The following ADAMTS3 variants were observed in gnomAD, a reference collection of about 807,000 sequenced individuals.
The protein encoded by ADAMTS3 is ADAM metallopeptidase with thrombospondin type 1 motif 3.
A neutral mutation model predicts 129.0 loss-of-function variants in ADAMTS3; 73 were observed. The observed-to-expected ratio is 0.57, with a 90% CI of 0.47 to 0.69. ADAMTS3 has a LOEUF of 0.69. Among genes scored for constraint, ADAMTS3 ranks in the 30% least tolerant of loss-of-function variants. The probability of loss-of-function intolerance (pLI) is 0.00; values close to 1 mark genes in which losing one functional copy is unlikely to be tolerated. For missense variants in ADAMTS3, 1,457 were observed against 1,514.5 expected (o/e 0.96, Z 0.63); for synonymous variants, 477 against 510.8 (o/e 0.93, Z 0.89).
chr4:72,300,907 C>A (rs1156506259), intron 17 of ADAMTS3, among the ~76,000 whole-genome samples: 1 of 152,058 alleles, frequency 6.6e-6, no homozygotes, highest in Non-Finnish European at 1.5e-5. Context: ...GCAGAGTAAC[C>A]CCCAGTCAAG....
intron 3 of ADAMTS3, among the ~76,000 whole-genome samples, chr4:72,441,121 GT>G (rs992853042): frequency 4.0e-5 from 6 of 151,654 alleles, no homozygotes; most frequent in African/African-American, 1.5e-4. Context: ...ATCATAGATT[GT>G]TTTTTCTGTT....
chr4:72,558,231 A>G lies in ADAMTS3; in HGVS notation c.97+9143T>C, dbSNP rs924318897. Among the ~76,000 whole-genome samples the G allele has an allele frequency of 2.3e-4, 35 of 151,886 alleles. 1 individual carries two copies. The highest frequency in any genetic ancestry group is 8.5e-4 in the African/African-American group (35 of 41,124). Reference sequence around the variant, plus strand: ...CATACTTTTGTCAAAAAGTAGGAGAAACTGGGACAGTCTACTAGGTCACTG... The same window carrying G: ...CATACTTTTGTCAAAAAGTAGGAGAGACTGGGACAGTCTACTAGGTCACTG... On this transcript the variant is annotated intron_variant, in intron 2 of 21. Coordinates refer to ENST00000286657, the MANE Select transcript of ADAMTS3 (RefSeq NM_014243.3).
At chr4:72,545,708 T>C (rs1721447489) in intron 3 of ADAMTS3, among the ~76,000 whole-genome samples, 1 of 152,110 alleles carries the variant, frequency 6.6e-6, no homozygotes, top group African/African-American at 2.4e-5. Context: ...GTCTCATCAA[T>C]AACACACACA....
chr4:72,531,362 TAGAC>T (rs1364703515), intron 3 of ADAMTS3, among the ~76,000 whole-genome samples: 15 of 152,152 alleles, frequency 9.9e-5, no homozygotes, highest in African/African-American at 3.1e-4. Flanking sequence ...AGGTTAAATT[TAGAC>T]AGCCAAGTGG....
chr4:72,466,114 G>A (rs1223817318), intron 3 of ADAMTS3, among the ~76,000 whole-genome samples: 1 of 152,056 alleles, frequency 6.6e-6, no homozygotes, highest in African/African-American at 2.4e-5. Flanking sequence ...ATGTGATAAT[G>A]CAAGATGCCA....
At chr4:72,552,400 T>C (rs1217830026) in intron 2 of ADAMTS3, among the ~76,000 whole-genome samples, 3 of 152,152 alleles carry the variant, frequency 2.0e-5, no homozygotes, top group Admixed American at 6.6e-5. Flanking sequence ...TAAAATAATG[T>C]TGTGGTTCAA....
At chr4:72,531,946 G>A (rs1401727987) in intron 3 of ADAMTS3, among the ~76,000 whole-genome samples, 1 of 151,978 alleles carries the variant, frequency 6.6e-6, no homozygotes, top group Non-Finnish European at 1.5e-5. Flanking sequence ...ACTAAAAGAG[G>A]GAGTTAAAGT....
intron 15 of ADAMTS3, among the ~76,000 whole-genome samples, chr4:72,308,330 C>T (rs1719141940): frequency 1.3e-5 from 2 of 151,704 alleles, no homozygotes; most frequent in Admixed American, 1.3e-4. Flanking sequence ...ATATAGTCTC[C>T]TAGTAATTGA....
chr4:72,526,679 C>T (rs1172528838), intron 3 of ADAMTS3, among the ~76,000 whole-genome samples: 3 of 131,468 alleles, frequency 2.3e-5, no homozygotes, highest in Non-Finnish European at 4.8e-5. Flanking sequence ...TATACACATG[C>T]ATATCTTTGT....
intron 3 of ADAMTS3, among the ~76,000 whole-genome samples, chr4:72,473,552 G>GAAAA (rs765504651): frequency 8.5e-6 from 1 of 117,294 alleles, no homozygotes; most frequent in African/African-American, 3.2e-5. Context: ...AAACACCACA[G>GAAAA]AAAAAAAAAA....
intron 4 of ADAMTS3, among the ~76,000 whole-genome samples, chr4:72,343,033 C>T (rs1034119356): frequency 1.2e-4 from 19 of 152,198 alleles, no homozygotes; most frequent in Non-Finnish European, 2.1e-4. Context: ...ATGGGGCTTC[C>T]AGCCCCCAGC....
At chr4:72,288,948 A>ACACACACC in intron 20 of ADAMTS3, 80 bp from the exon 21 acceptor site, 1 of 751,942 alleles carries the variant, frequency 1.3e-6, no homozygotes, top group Non-Finnish European at 2.3e-6. Context: ...ACACACACAC[A>ACACACACC]CACACACACA....
chr4:72,338,118 C>A (rs1720036702), intron 5 of ADAMTS3, among the ~76,000 whole-genome samples: 2 of 152,066 alleles, frequency 1.3e-5, no homozygotes, highest in African/African-American at 2.4e-5. Flanking sequence ...TAATGGATGA[C>A]TTGTATTTAC....
intron 3 of ADAMTS3, among the ~76,000 whole-genome samples, chr4:72,507,179 T>C (rs1394183300): frequency 6.6e-6 from 1 of 152,198 alleles, no homozygotes; most frequent in Non-Finnish European, 1.5e-5. Context: ...ATTTTTACTT[T>C]TTAAAAAAGA....
At chr4:72,529,440 G>A (rs773776171) in intron 3 of ADAMTS3, among the ~76,000 whole-genome samples, 1 of 151,424 alleles carries the variant, frequency 6.6e-6, no homozygotes, top group Non-Finnish European at 1.5e-5. Flanking sequence ...TAAGATCAGT[G>A]GCCTCTTGAA....
At chr4:72,470,361 T>TTCTATATATATATATATATATATATA (rs1553917046) in intron 3 of ADAMTS3, among the ~76,000 whole-genome samples, 1 of 116,482 alleles carries the variant, frequency 8.6e-6, no homozygotes, top group Non-Finnish European at 1.8e-5. Context: ...TATTTTAAGT[T>TTCTATATATATATATATATATATATA]TATATATATA....
intron 4 of ADAMTS3, among the ~76,000 whole-genome samples, chr4:72,346,289 G>C (rs933122426): frequency 2.6e-5 from 4 of 152,088 alleles, no homozygotes; most frequent in South Asian, 2.1e-4. Context: ...AGAAGGAAAC[G>C]AATGTTGTAC....
intron 3 of ADAMTS3, among the ~76,000 whole-genome samples, chr4:72,473,380 A>G (rs1719134033): frequency 6.6e-6 from 1 of 152,134 alleles, no homozygotes; most frequent in South Asian, 2.1e-4. Context: ...TTAGCAACTC[A>G]GAAATGTAGA....
In ADAMTS3 at chr4:72,323,034, T is replaced by C. The variant is rs751982283; in HGVS notation, c.925A>G (p.Ile309Val). The C allele has an allele frequency of 2.5e-6, 4 of 1,613,408 alleles. No homozygotes were observed. In the Admixed American group the frequency reaches 5.0e-5, roughly 20 times the overall value. Residue 309 changes from isoleucine (I) to valine (V), a missense_variant, in exon 6 of 22, where the codon ATA (isoleucine) becomes GTA (valine). Transcript: ENST00000286657. ...TTTACCTTTGCATATCCCAGCATTA[T>C]CATGCGCACCAGGACCACATTTATA... ...VHINVVLVRM[I>V]MLGYAKSISL... is the part of the protein sequence containing the mutation.
Sources: allele counts gnomAD v4.1 joint callset (sites outside exome capture counted in the v4.1 genomes callset), GRCh38; gene constraint gnomAD v4.1.1; transcripts MANE v1.5; gene names NCBI Gene and HGNC (gene_info 2026-07-23, HGNC 2026-07-21).